POLR2B: variants seen among roughly 807,000 people sequenced by gnomAD.
POLR2B encodes the protein RNA polymerase II subunit B, also known as DNA-directed RNA polymerase II subunit RPB2.
Under a neutral mutation model 144.6 loss-of-function variants are expected in POLR2B, and 57 were observed. The observed-to-expected ratio is 0.39, with a 90% CI of 0.32 to 0.49. POLR2B has a LOEUF of 0.49. Ranked by LOEUF, POLR2B falls within the 20% of genes least tolerant of loss-of-function variation. The pLI, the probability that POLR2B is intolerant of heterozygous loss-of-function variation, is 0.83. For synonymous variants in POLR2B, 442 were observed against 469.8 expected (o/e 0.94, Z 0.77); for missense variants, 595 against 1,467.4 (o/e 0.41, Z 9.71).
rs1168233867 is a variant in POLR2B, at chr4:57,017,166, T to C, written c.2079T>C (p.Tyr693=). Residue 693 remains tyrosine (Y), a synonymous_variant, in exon 15 of 25, where the codon TAT becomes TAC. Coordinates refer to ENST00000314595, the MANE Select transcript of POLR2B (RefSeq NM_000938.3). This position sits in a 1 kb window ranked among gnomAD's most constrained non-coding sequence, Gnocchi z 4.8. ...AAGAAGTAGCTTATTGTTCCACATA[T>C]ACACACTGTGAGATTCATCCCTCAA... The part of the protein sequence containing the change: ...QEKEVAYCST[Y]THCEIHPSMI... The C allele has an allele frequency of 1.9e-6, 3 of 1,612,886 alleles. No homozygotes were observed. The highest frequency in any genetic ancestry group is 2.5e-6 in the Non-Finnish European group (3 of 1,179,092).
In POLR2B at chr4:57,010,893, T is replaced by C. The variant is rs749344527; in HGVS notation, c.1688+6T>C. The C allele has an allele frequency of 3.1e-6, 5 of 1,605,518 alleles. No homozygotes were observed. The highest frequency in any genetic ancestry group is 8.5e-7 in the Non-Finnish European group (1 of 1,172,710). Reference sequence around the variant, plus strand: ...TCTCCTGCAGCTATTGCTGAGTGTGTATAGATGGAATTAGTTTTTTAAACT... The same window carrying C: ...TCTCCTGCAGCTATTGCTGAGTGTGCATAGATGGAATTAGTTTTTTAAACT... On this transcript the variant is annotated splice_donor_region_variant and intron_variant, in intron 12 of 24. Transcript: ENST00000314595.
chr4:57,024,159 C>A, intron 21 of POLR2B, 47 bp downstream of exon 21: 1 of 1,006,538 alleles, frequency 9.9e-7, no homozygotes, highest in Admixed American at 2.0e-5. Flanking sequence ...GATGCTTCTT[C>A]TAAAACTCTG....
At chr4:56,992,117 A>G (rs1433729025) in intron 3 of POLR2B, among the ~76,000 whole-genome samples, 1 of 152,196 alleles carries the variant, frequency 6.6e-6, no homozygotes, top group Non-Finnish European at 1.5e-5. Context: ...ACTTAAATTT[A>G]CTATGAAGAA....
intron 3 of POLR2B, among the ~76,000 whole-genome samples, chr4:56,994,080 T>C (rs945382003): frequency 6.6e-6 from 1 of 152,208 alleles, no homozygotes; most frequent in Non-Finnish European, 1.5e-5. Flanking sequence ...AGCAGATCCT[T>C]CTGTAGTTGA....
chr4:57,021,638 A>G (rs1375335902), intron 17 of POLR2B, among the ~76,000 whole-genome samples: 2 of 151,030 alleles, frequency 1.3e-5, no homozygotes, highest in African/African-American at 4.8e-5. Context: ...ACAGGCACGC[A>G]CCACCATGCC....
intron 7 of POLR2B, among the ~76,000 whole-genome samples, chr4:57,001,180 T>G (rs540266222): frequency 1.4e-4 from 21 of 152,148 alleles, no homozygotes; most frequent in Admixed American, 1.3e-3. Flanking sequence ...TTGGCCTTAT[T>G]TTTTTTGGAG....
intron 23 of POLR2B, 150 bp from the exon 24 acceptor site, chr4:57,030,054 C>T (rs1188252628): frequency 1.5e-6 from 1 of 683,548 alleles, no homozygotes. Context: ...TAGACTTCTC[C>T]TCTCCCCACC....
chr4:57,027,641 C>T (rs1435759603), intron 23 of POLR2B, among the ~76,000 whole-genome samples: 2 of 152,146 alleles, frequency 1.3e-5, no homozygotes, highest in Admixed American at 6.5e-5. Flanking sequence ...TACACCAAAA[C>T]GGTAAGTTGT....
chr4:57,013,395 C>T (rs1211090904), intron 13 of POLR2B, among the ~76,000 whole-genome samples: 1 of 141,586 alleles, frequency 7.1e-6, no homozygotes, highest in African/African-American at 2.6e-5. Flanking sequence ...GTCTCTCTAT[C>T]TCTCTATCTC....
chr4:56,992,190 C>T lies in POLR2B; in HGVS notation c.243+1292C>T, dbSNP rs140801739. Reference sequence around the variant, plus strand: ...AAGGAAATATTTGGTGTGGCCGGTGCGATGGCTCATGCCTATAATTTTAGC... The same window carrying T: ...AAGGAAATATTTGGTGTGGCCGGTGTGATGGCTCATGCCTATAATTTTAGC... On this transcript the variant is annotated intron_variant, in intron 3 of 24. Transcript: ENST00000314595. Among the ~76,000 whole-genome samples the T allele has an allele frequency of 1.4e-3, 212 of 152,094 alleles. 1 individual carries two copies. Among genetic ancestry groups the T allele is most frequent in the African/African-American group, 4.9e-3 (204 of 41,508 alleles).
At chr4:56,979,871 C>G (rs1229861492) in intron 1 of POLR2B, among the ~76,000 whole-genome samples, 2 of 147,982 alleles carry the variant, frequency 1.4e-5, no homozygotes, top group Admixed American at 1.4e-4. Flanking sequence ...TACACCACAG[C>G]CTGAGTGACA....
chr4:57,017,844 A>G lies in POLR2B; in HGVS notation c.2323+116A>G. The stretch of plus-strand genomic sequence containing the variant: ...CATAGTGCCTGTTCTCACGGAATTT[A>G]TAATATGGTGGGAAACATGAACATA... On this transcript the variant is annotated intron_variant, in intron 16 of 24. Transcript: ENST00000314595. The surrounding 1 kb of genome is among the most constrained non-coding windows in gnomAD (Gnocchi z 4.8). The G allele has an allele frequency of 6.2e-6, 4 of 643,250 alleles. No individual in the cohort carries two copies. In the South Asian group the frequency reaches 9.6e-5, roughly 15 times the overall value. The allele number at this position is 643,250 out of a possible 1,614,324, so 39.8% of individuals were successfully genotyped here.
At chr4:56,994,160 C>G (rs1162433569) in intron 3 of POLR2B, among the ~76,000 whole-genome samples, 1 of 151,978 alleles carries the variant, frequency 6.6e-6, no homozygotes, top group African/African-American at 2.4e-5. Flanking sequence ...TAGCACATTA[C>G]CTGTCTAATG....
At position 57,025,004 on chromosome 4, in the gene POLR2B, A is replaced by G. The variant is rs774535124; in HGVS notation, c.3078+5A>G. On this transcript the variant is annotated splice_donor_5th_base_variant and intron_variant, in intron 22 of 24. Coordinates refer to ENST00000314595, the MANE Select transcript of POLR2B (RefSeq NM_000938.3). The stretch of plus-strand genomic sequence containing the variant: ...TATCATCTCAGAGGAAATGAGGTAT[A>G]TTTGCTCTTATAGTAGTAATTTGCC... 3.4e-5 allele frequency: 46 copies of G among 1,371,916 alleles called. No individual in the cohort carries two copies. Among genetic ancestry groups the G allele is most frequent in the Non-Finnish European group, 4.7e-5 (46 of 973,270 alleles). The allele number at this position is 1,371,916 out of a possible 1,614,324, so 85.0% of individuals were successfully genotyped here.
chr4:56,985,097 A>G (rs907633454), intron 1 of POLR2B, among the ~76,000 whole-genome samples: 1 of 152,198 alleles, frequency 6.6e-6, no homozygotes, highest in African/African-American at 2.4e-5. Context: ...TATGTCTGAC[A>G]TGAGACATTA....
At chr4:57,026,754 C>CT (rs926631486) in intron 23 of POLR2B, among the ~76,000 whole-genome samples, 4 of 70,536 alleles carry the variant, frequency 5.7e-5, no homozygotes, top group African/African-American at 1.7e-4. Flanking sequence ...GAGTGAGACT[C>CT]TGTCTCGATA....
rs758225690 is a variant in POLR2B, at chr4:57,023,465, A to G, written c.2651A>G (p.Asn884Ser). 4 of 1,614,150 alleles carry G rather than the reference A, an allele frequency of 2.5e-6. No individual in the cohort carries two copies. Among genetic ancestry groups the G allele is most frequent in the East Asian group, 2.2e-5 (1 of 44,872 alleles). The stretch of plus-strand genomic sequence containing the variant: ...AATGAAGATGAATTGGAGAGCACCA[A>G]TAGACGCTATACCAAGAGAGACTGT... ...PENEDELEST[N>S]RRYTKRDCST... The change falls in exon 19 of 25, where the codon AAT (asparagine) becomes AGT (serine). Residue 884 changes from asparagine (N) to serine (S), a missense_variant. This residue lies in a region of POLR2B where 75 missense variants were observed against 100.0 expected (regional missense o/e 0.75). Coordinates refer to ENST00000314595, the MANE Select transcript of POLR2B (RefSeq NM_000938.3). This position sits in a 1 kb window ranked among gnomAD's most constrained non-coding sequence, Gnocchi z 4.3.
Position 57,017,024 on chromosome 4 carries a change from T to A in POLR2B, c.1956-19T>A. ...TAAAATACTTGAGGAAGTAGAAAATTGAGTGAATTCTTTTTTAGTTGGCAG... is the reference window on the plus strand; with the variant it reads ...TAAAATACTTGAGGAAGTAGAAAATAGAGTGAATTCTTTTTTAGTTGGCAG... On this transcript the variant is annotated intron_variant, in intron 14 of 24. Transcript: ENST00000314595. This position sits in a 1 kb window ranked among gnomAD's most constrained non-coding sequence, Gnocchi z 4.8. 1 of 1,510,028 alleles carries A rather than the reference T, an allele frequency of 6.6e-7. No individual in the cohort carries two copies. The highest frequency in any genetic ancestry group is 1.3e-5 in the South Asian group (1 of 77,748). 93.5% of individuals were successfully genotyped at this position (1,510,028 alleles called of 1,614,324 possible).
In POLR2B at chr4:57,009,426, C is replaced by G. The variant is rs1051412593; in HGVS notation, c.1405-935C>G. The G allele has an allele frequency of 3.9e-5, 6 of 152,442 alleles. No individual in the cohort carries two copies. The East Asian group carries it at 7.7e-4, about 20-fold the overall frequency. The allele number at this position is 152,442 out of a possible 1,614,324, so 9.4% of individuals were successfully genotyped here. A position where few individuals can be genotyped will look rare whatever the true frequency, so the allele number is the denominator to read the frequency against. ...CATTGAGGAGGACTTTAATGTTGTG[C>G]TCTTCTGTAGCCAGTGGCTACCTGT... is the stretch of plus-strand genomic sequence containing the variant. On this transcript the variant is annotated intron_variant, in intron 10 of 24. Coordinates refer to ENST00000314595, the MANE Select transcript of POLR2B (RefSeq NM_000938.3).
Sources: allele counts gnomAD v4.1 joint callset (sites outside exome capture counted in the v4.1 genomes callset), GRCh38; gene constraint gnomAD v4.1.1; regional missense constraint gnomAD v4.1.1; non-coding constraint Gnocchi (gnomAD v3.1); transcripts MANE v1.5; gene names NCBI Gene and HGNC (gene_info 2026-07-23, HGNC 2026-07-21).